The following PHACTR3 variants were observed in gnomAD, a reference collection of about 807,000 sequenced individuals.
PHACTR3 encodes protein phosphatase 1, regulatory subunit 123.
Under a neutral mutation model 66.8 loss-of-function variants are expected in PHACTR3, and 16 were observed. The observed-to-expected ratio is 0.24, with a 90% CI of 0.16 to 0.36. The LOEUF (loss-of-function observed/expected upper bound fraction) is 0.36, where lower values mean the gene tolerates loss of function less well. Ranked by LOEUF, PHACTR3 falls within the 10% of genes least tolerant of loss-of-function variation. The probability of loss-of-function intolerance (pLI) is 1.00; values close to 1 mark genes in which losing one functional copy is unlikely to be tolerated. For synonymous variants in PHACTR3, 323 were observed against 292.1 expected (o/e 1.11, Z -1.08); for missense variants, 647 against 719.9 (o/e 0.90, Z 1.16).
intron 1 of PHACTR3, among the ~76,000 whole-genome samples, chr20:59,656,928 C>G (rs1568964002): frequency 1.3e-5 from 2 of 151,950 alleles, no homozygotes; most frequent in South Asian, 4.1e-4. Flanking sequence ...ATTTTTTCTT[C>G]TACCTCATTT....
chr20:59,778,611 A>G (rs6064839), intron 7 of PHACTR3, among the ~76,000 whole-genome samples: 39,122 of 152,212 alleles, frequency 0.26, 5,421 homozygotes, highest in African/African-American at 0.35. Context: ...CTACCAGCAC[A>G]TGGGCTCCGC....
At chr20:59,687,939 G>A (rs1052448087) in intron 1 of PHACTR3, among the ~76,000 whole-genome samples, 1 of 152,156 alleles carries the variant, frequency 6.6e-6, no homozygotes, top group Admixed American at 6.5e-5. Context: ...GTATATGGAG[G>A]AGAAAGTTGT....
At chr20:59,579,757 G>A (rs549103384) in intron 1 of PHACTR3, among the ~76,000 whole-genome samples, 68 of 152,334 alleles carry the variant, frequency 4.5e-4, no homozygotes, top group African/African-American at 1.3e-3. Flanking sequence ...CATCAGAGAC[G>A]GAGAAAGTGG....
chr20:59,642,875 A>G (rs1436598513), intron 1 of PHACTR3, among the ~76,000 whole-genome samples: 1 of 152,062 alleles, frequency 6.6e-6, no homozygotes, highest in Admixed American at 6.6e-5. Context: ...GAATCAAAGA[A>G]TTTTAAGAAT....
In PHACTR3 at chr20:59,758,357, A is replaced by G. The variant is rs114816098; in HGVS notation, c.541+2993A>G. On this transcript the variant is annotated intron_variant, in intron 4 of 12. Transcript: ENST00000371015. ...GGCTTCTCATTTTGGGCAATGATAG[A>G]GATTTGCTTTTTCTTATAAACAGAG... Among the ~76,000 whole-genome samples, 867 of 152,368 alleles carry G rather than the reference A, an allele frequency of 5.7e-3. 10 individuals carry two copies. Among genetic ancestry groups the G allele is most frequent in the African/African-American group, 0.02 (833 of 41,582 alleles).
chr20:59,740,646 G>A (rs2039119236), intron 1 of PHACTR3, among the ~76,000 whole-genome samples: 2 of 151,940 alleles, frequency 1.3e-5, no homozygotes, highest in South Asian at 4.2e-4. Flanking sequence ...TTACCTATCA[G>A]GGATGATTAT....
intron 1 of PHACTR3, among the ~76,000 whole-genome samples, chr20:59,633,893 C>CA (rs2034756289): frequency 6.6e-6 from 1 of 152,128 alleles, no homozygotes; most frequent in Non-Finnish European, 1.5e-5. Flanking sequence ...CTTACAAAGC[C>CA]AAAGACTTTG....
At chr20:59,639,866 A>C (rs2035039351) in intron 1 of PHACTR3, among the ~76,000 whole-genome samples, 1 of 152,176 alleles carries the variant, frequency 6.6e-6, no homozygotes, top group Admixed American at 6.5e-5. Flanking sequence ...AAATTTTTGA[A>C]ACCTGTTCTC....
intron 7 of PHACTR3, among the ~76,000 whole-genome samples, chr20:59,794,486 G>T (rs1280593070): frequency 6.6e-6 from 1 of 152,048 alleles, no homozygotes; most frequent in East Asian, 1.9e-4. Flanking sequence ...TGTTCATCAG[G>T]GATGCTGGCC....
intron 11 of PHACTR3, among the ~76,000 whole-genome samples, chr20:59,843,150 T>C (rs2059094652): frequency 6.6e-6 from 1 of 151,770 alleles, no homozygotes; most frequent in East Asian, 1.9e-4. Context: ...GAAAATGAAT[T>C]GAACCAAGGA....
At chr20:59,663,816 C>G (rs1047990959) in intron 1 of PHACTR3, among the ~76,000 whole-genome samples, 1 of 152,204 alleles carries the variant, frequency 6.6e-6, no homozygotes, top group African/African-American at 2.4e-5. Flanking sequence ...CACTTGGGAA[C>G]AAGGCTGTGG....
intron 1 of PHACTR3, among the ~76,000 whole-genome samples, chr20:59,640,011 A>G (rs952031883): frequency 3.3e-5 from 5 of 152,192 alleles, no homozygotes; most frequent in African/African-American, 1.2e-4. Flanking sequence ...ATAGCAAAAA[A>G]CAGGCACACT....
intron 1 of PHACTR3, among the ~76,000 whole-genome samples, chr20:59,690,839 A>AT (rs1352833010): frequency 6.6e-6 from 1 of 152,108 alleles, no homozygotes; most frequent in Non-Finnish European, 1.5e-5. Context: ...CTACCTGTTC[A>AT]TATTACCAAA....
chr20:59,681,447 T>C (rs990756198), intron 1 of PHACTR3, among the ~76,000 whole-genome samples: 1 of 152,200 alleles, frequency 6.6e-6, no homozygotes, highest in African/African-American at 2.4e-5. Flanking sequence ...CCAGGGTCTC[T>C]AGAGGAATGC....
At chr20:59,770,352 T>C (rs2040319161) in intron 5 of PHACTR3, among the ~76,000 whole-genome samples, 1 of 152,200 alleles carries the variant, frequency 6.6e-6, no homozygotes, top group Admixed American at 6.5e-5. Context: ...TCAGTTCCTC[T>C]TTTTCCTTTT....
At chr20:59,622,194 G>GA (rs1258946282) in intron 1 of PHACTR3, among the ~76,000 whole-genome samples, 1 of 150,982 alleles carries the variant, frequency 6.6e-6, no homozygotes, top group Non-Finnish European at 1.5e-5. Flanking sequence ...TTGAAAGGCT[G>GA]AAAGGGACTC....
rs771981530 is a variant in PHACTR3, at chr20:59,773,478, A to T, written c.926+25A>T. ...GGTGAGGCCCTGCCCCATGAGGGAG[A>T]CCTGTGCTGCCAGAATCCCTGCCTG... On this transcript the variant is annotated intron_variant, in intron 6 of 12. Coordinates refer to ENST00000371015, the MANE Select transcript of PHACTR3 (RefSeq NM_080672.5). 1.0e-5 allele frequency: 16 copies of T among 1,570,556 alleles called. No individual in the cohort carries two copies. The East Asian group carries it at 3.8e-4, about 37-fold the overall frequency.
chr20:59,668,079 C>T (rs534583612), intron 1 of PHACTR3, among the ~76,000 whole-genome samples: 6 of 151,992 alleles, frequency 3.9e-5, no homozygotes, highest in East Asian at 3.9e-4. Context: ...TACACCTGTA[C>T]GGACTTAGAG....
rs189491983 is a variant in PHACTR3 at position 59,755,347 on chromosome 20, C to T, written c.524C>T (p.Ala175Val). ...VSLDKPLSSA[A>V]HLDDAAKMPS... The stretch of plus-strand genomic sequence containing the variant: ...CTGGACAAGCCACTGTCCTCAGCTG[C>T]CCACTTGGACGATGCAGGTACTGGC... The change falls in exon 4 of 13, where the codon GCC becomes GTC. Residue 175 changes from alanine (A) to valine (V), a missense_variant. Coordinates refer to ENST00000371015, the MANE Select transcript of PHACTR3 (RefSeq NM_080672.5). 3 of 1,613,454 alleles carry T rather than the reference C, an allele frequency of 1.9e-6. No individual in the cohort carries two copies. The Admixed American group carries it at 5.0e-5, about 27-fold the overall frequency.
Sources: gnomAD v4.1 joint callset for allele counts (sites outside exome capture counted in the v4.1 genomes callset) on GRCh38, gnomAD v4.1.1 for gene constraint, MANE v1.5 for transcripts, NCBI Gene and HGNC (gene_info 2026-07-23, HGNC 2026-07-21) for gene names.